The following ZC3H3 variants were observed in gnomAD, a reference collection of about 807,000 sequenced individuals.
ZC3H3 encodes the protein zinc finger CCCH-type containing 3.
Under a neutral mutation model 77.3 loss-of-function variants are expected in ZC3H3, and 36 were observed. The observed-to-expected ratio is 0.47, with a 90% CI of 0.36 to 0.61. ZC3H3 has a LOEUF of 0.61. ZC3H3 is among the 20% of genes least tolerant of loss of function. The pLI, the probability that ZC3H3 is intolerant of heterozygous loss-of-function variation, is 0.00. For synonymous variants in ZC3H3, 626 were observed against 555.2 expected, an observed-to-expected ratio of 1.13 and a Z score of -1.79; for missense variants, 1,331 against 1,312.2, an observed-to-expected ratio of 1.01 and a Z score of -0.22.
intron 4 of ZC3H3, among the ~76,000 whole-genome samples, chr8:143,491,022 A>T (rs1821186795): frequency 6.6e-6 from 1 of 152,270 alleles, no homozygotes; most frequent in Non-Finnish European, 1.5e-5. Context: ...GGTGACAAGG[A>T]CATTTTATTT....
chr8:143,504,468 C>T (rs1821627450), intron 4 of ZC3H3, among the ~76,000 whole-genome samples: 1 of 152,202 alleles, frequency 6.6e-6, no homozygotes, highest in Admixed American at 6.5e-5. Context: ...GGGCCCAGTC[C>T]CATTCCTCTC....
chr8:143,517,234 A>G lies in ZC3H3; in HGVS notation c.1562-9335T>C, dbSNP rs145803697. Among the ~76,000 whole-genome samples, 794 of 152,284 alleles carry G rather than the reference A, an allele frequency of 5.2e-3. 11 individuals carry two copies. The highest frequency in any genetic ancestry group is 0.018 in the African/African-American group (766 of 41,556). ...AATAGTTTGCTCCGTGACAGTTGCT[A>G]TAGATTATGGAGAGTGGGGCTTCCT... On this transcript the variant is annotated intron_variant, in intron 3 of 11. Transcript: ENST00000262577.
Position 143,500,445 on chromosome 8 carries a change from A to G in ZC3H3, c.1715+7301T>C, listed in dbSNP as rs140847469. Among the ~76,000 whole-genome samples the G allele has an allele frequency of 2.4e-3, 368 of 152,358 alleles. 3 individuals are homozygous for G. Among genetic ancestry groups the G allele is most frequent in the Non-Finnish European group, 4.7e-3 (320 of 68,024 alleles). ...GGCTGGCTGAGCAGAGCATCTGCACACTGCCAGGATGAGGCGGGCAGGGCG... is the reference window on the plus strand; with the variant it reads ...GGCTGGCTGAGCAGAGCATCTGCACGCTGCCAGGATGAGGCGGGCAGGGCG... On this transcript the variant is annotated intron_variant, in intron 4 of 11. Transcript: ENST00000262577.
chr8:143,506,778 G>T (rs1157148332), intron 4 of ZC3H3, among the ~76,000 whole-genome samples: 1 of 152,220 alleles, frequency 6.6e-6, no homozygotes, highest in Non-Finnish European at 1.5e-5. Flanking sequence ...CTGCCACGAG[G>T]CTCCAGAGCT....
At chr8:143,524,545 C>T (rs1485055534) in intron 3 of ZC3H3, among the ~76,000 whole-genome samples, 3 of 152,268 alleles carry the variant, frequency 2.0e-5, no homozygotes, top group African/African-American at 4.8e-5. Context: ...GGCCCCCAGC[C>T]CATCACGCTA....
At chr8:143,537,982 G>GCAGCC (rs1563889243) in intron 2 of ZC3H3, 21 bp downstream of exon 2, 5 of 1,577,176 alleles carry the variant, frequency 3.2e-6, no homozygotes, top group Non-Finnish European at 3.4e-6. Context: ...ACACTCTACC[G>GCAGCC]CAGCCGGCCG....
In ZC3H3 at chr8:143,468,373, G is replaced by C. The variant is rs2129876985; in HGVS notation, c.2105+9C>G. The C allele has an allele frequency of 1.2e-6, 2 of 1,612,534 alleles. No individual in the cohort carries two copies. Among genetic ancestry groups the C allele is most frequent in the Middle Eastern group, 1.7e-4 (1 of 6,058 alleles). The stretch of plus-strand genomic sequence containing the variant: ...CTCCCCCAGGCCCACAGCGAGGGCA[G>C]GAGGGCACCTGGTGCACACGGCCAC... On this transcript the variant is annotated intron_variant, in intron 7 of 11. Transcript: ENST00000262577.
intron 3 of ZC3H3, among the ~76,000 whole-genome samples, chr8:143,515,781 G>C (rs1822019126): frequency 2.6e-5 from 4 of 152,246 alleles, no homozygotes; most frequent in Admixed American, 2.6e-4. Context: ...GCCAGGCAGG[G>C]GCTGGGCCAA....
intron 5 of ZC3H3, among the ~76,000 whole-genome samples, chr8:143,474,730 G>A (rs1410496617): frequency 6.6e-6 from 1 of 151,974 alleles, no homozygotes; most frequent in East Asian, 1.9e-4. Context: ...CTTTTTTTTT[G>A]ATGGACAAGA....
At chr8:143,512,957 T>A (rs1030670102) in intron 3 of ZC3H3, among the ~76,000 whole-genome samples, 3 of 152,032 alleles carry the variant, frequency 2.0e-5, no homozygotes, top group Non-Finnish European at 4.4e-5. Context: ...GAGCCTGGGG[T>A]TCCTGAGAGA....
chr8:143,515,867 C>G (rs1025569152), intron 3 of ZC3H3, among the ~76,000 whole-genome samples: 4 of 152,254 alleles, frequency 2.6e-5, no homozygotes, highest in African/African-American at 9.6e-5. Flanking sequence ...CCCGGACCAC[C>G]ATCTATGTGG....
Position 143,538,115 on chromosome 8 carries a change from C to A in ZC3H3, c.1252G>T (p.Asp418Tyr). ...SPVLSRSPSG[D>Y]RPAVGHSGLK... The stretch of plus-strand genomic sequence containing the variant: ...CCACTGTGTCCTACTGCTGGTCTGT[C>A]CCCCGACGGGGACCTAGACAGGACT... The change falls in exon 2 of 12, where the codon GAC (aspartate) becomes TAC (tyrosine). Residue 418 changes from aspartate to tyrosine, a missense_variant. Transcript: ENST00000262577. 1 of 1,613,168 alleles carries A rather than the reference C, an allele frequency of 6.2e-7. No homozygotes were observed. Among genetic ancestry groups the A allele is most frequent in the African/African-American group, 1.3e-5 (1 of 75,060 alleles).
At chr8:143,523,377 T>C (rs1822312079) in intron 3 of ZC3H3, 12 of 985,382 alleles carry the variant, frequency 1.2e-5, no homozygotes, top group Non-Finnish European at 1.4e-5. Context: ...AGCTTCAGAA[T>C]GCTGCCGCGA....
chr8:143,474,343 C>T (rs954962337), intron 5 of ZC3H3, among the ~76,000 whole-genome samples: 4 of 152,170 alleles, frequency 2.6e-5, no homozygotes, highest in Non-Finnish European at 4.4e-5. Context: ...TTATTCCTGC[C>T]CAGTTCACCA....
chr8:143,505,138 G>A (rs1426983643), intron 4 of ZC3H3, among the ~76,000 whole-genome samples: 2 of 152,206 alleles, frequency 1.3e-5, no homozygotes, highest in Admixed American at 1.3e-4. Context: ...CAGGACTGCT[G>A]GGGCTTGCCC....
chr8:143,491,550 G>T (rs1419080747), intron 4 of ZC3H3, among the ~76,000 whole-genome samples: 1 of 152,250 alleles, frequency 6.6e-6, no homozygotes, highest in African/African-American at 2.4e-5. Flanking sequence ...GAGACGCAGT[G>T]TGCCACACCC....
Position 143,501,791 on chromosome 8 carries a change from C to G in ZC3H3, c.1715+5955G>C, listed in dbSNP as rs547499324. On this transcript the variant is annotated intron_variant, in intron 4 of 11. Transcript: ENST00000262577. Reference sequence around the variant, plus strand: ...ACAGGTGTGAGCCATCATGCCCGGCCCCGGGGCGCGGGTGTTACGTTAGGA... The same window carrying G: ...ACAGGTGTGAGCCATCATGCCCGGCGCCGGGGCGCGGGTGTTACGTTAGGA... Among the ~76,000 whole-genome samples, 4 of 152,326 alleles carry G rather than the reference C, an allele frequency of 2.6e-5. No individual in the cohort carries two copies. The East Asian group carries it at 7.7e-4, about 29-fold the overall frequency.
chr8:143,480,292 G>C (rs1023221957), intron 4 of ZC3H3, among the ~76,000 whole-genome samples: 3 of 152,218 alleles, frequency 2.0e-5, no homozygotes, highest in African/African-American at 7.2e-5. Context: ...CAGCCTGCCA[G>C]CTGCCAGGCT....
At chr8:143,464,652 A>G (rs1820359434) in intron 9 of ZC3H3, among the ~76,000 whole-genome samples, 1 of 152,158 alleles carries the variant, frequency 6.6e-6, no homozygotes, top group Admixed American at 6.5e-5. Flanking sequence ...GGGTGGGCTG[A>G]GAAAGGGTTC....
Sources: allele counts gnomAD v4.1 joint callset (sites outside exome capture counted in the v4.1 genomes callset), GRCh38; gene constraint gnomAD v4.1.1; transcripts MANE v1.5; gene names NCBI Gene and HGNC (gene_info 2026-07-23, HGNC 2026-07-21).